The following PHACTR2 variants were observed in gnomAD, a reference collection of about 807,000 sequenced individuals.
PHACTR2 encodes chromosome 6 open reading frame 56.
PHACTR2 carries 30 observed loss-of-function variants against 76.0 expected under a neutral mutation model. The observed-to-expected ratio is 0.39, with a 90% CI of 0.30 to 0.54. PHACTR2 has a LOEUF of 0.54. PHACTR2 is among the 20% of genes least tolerant of loss of function. The pLI is 0.61. For synonymous variants in PHACTR2, 292 were observed against 292.5 expected (o/e 1.00, Z 0.02); for missense variants, 696 against 781.1 (o/e 0.89, Z 1.30).
rs1775184297 is a variant in PHACTR2 at position 143,556,978 on chromosome 6, C to G, written c.217+19771C>G. Among the ~76,000 whole-genome samples the G allele has an allele frequency of 6.6e-6, 1 of 152,128 alleles. No homozygotes were observed. The highest frequency in any genetic ancestry group is 6.5e-5 in the Admixed American group (1 of 15,280). The stretch of plus-strand genomic sequence containing the variant: ...ATTTCCTTTTGAAACAAAAATGAGG[C>G]CAGAAAGAAAGGGCCTCCCTCCCTA... On this transcript the variant is annotated intron_variant, in intron 1 of 11. Transcript: ENST00000367584. This position sits in a 1 kb window ranked among gnomAD's most constrained non-coding sequence, Gnocchi z 4.3.
chr6:143,797,037 G>A (rs567656488), intron 11 of PHACTR2, among the ~76,000 whole-genome samples: 5 of 152,336 alleles, frequency 3.3e-5, no homozygotes, highest in Non-Finnish European at 7.3e-5. Context: ...CAGCGTAAAA[G>A]CATTCCTATT....
chr6:143,752,561 G>C (rs183645323), intron 3 of PHACTR2, among the ~76,000 whole-genome samples: 25 of 152,132 alleles, frequency 1.6e-4, no homozygotes, highest in African/African-American at 5.5e-4. Context: ...ATAGGTTATT[G>C]GGAGTTATAT....
chr6:143,772,423 G>A lies in PHACTR2; in HGVS notation c.1398G>A (p.Glu466=). The A allele has an allele frequency of 6.2e-7, 1 of 1,614,076 alleles. No individual in the cohort carries two copies. The highest frequency in any genetic ancestry group is 8.5e-7 in the Non-Finnish European group (1 of 1,179,962). Residue 466 remains glutamate (E), a synonymous_variant, in exon 7 of 13, where the codon GAG becomes GAA. Transcript: ENST00000440869. This position sits in a 1 kb window ranked among gnomAD's most constrained non-coding sequence, Gnocchi z 5.4. ...SDGPILYTDD[E]DEDEDEDGSG... The stretch of plus-strand genomic sequence containing the variant: ...GGCCTATCTTGTACACCGATGATGA[G>A]GACGAAGACGAAGATGAGGATGGCA...
chr6:143,692,142 C>T (rs1777657652), intron 1 of PHACTR2, among the ~76,000 whole-genome samples: 1 of 152,196 alleles, frequency 6.6e-6, no homozygotes, highest in South Asian at 2.1e-4. Context: ...TGAGCATTCC[C>T]TCTGACCTTC....
intron 1 of PHACTR2, among the ~76,000 whole-genome samples, chr6:143,615,041 G>A (rs1453756195): frequency 1.3e-5 from 2 of 152,284 alleles, no homozygotes; most frequent in East Asian, 1.9e-4. Context: ...TTAAAAGGAA[G>A]GAACCTTACT....
intron 10 of PHACTR2, among the ~76,000 whole-genome samples, chr6:143,785,875 C>T (rs1435769314): frequency 6.6e-6 from 1 of 152,216 alleles, no homozygotes; most frequent in African/African-American, 2.4e-5. Flanking sequence ...CTGCACACAG[C>T]ACAGGGACCC....
intron 2 of PHACTR2, among the ~76,000 whole-genome samples, chr6:143,741,928 C>A (rs1582830918): frequency 6.6e-6 from 1 of 152,062 alleles, no homozygotes; most frequent in South Asian, 2.1e-4. Context: ...GTGGTGAAAC[C>A]CCATCTCTAC....
At chr6:143,769,579 TAA>T (rs1363641664) in intron 6 of PHACTR2, among the ~76,000 whole-genome samples, 2 of 152,152 alleles carry the variant, frequency 1.3e-5, no homozygotes, top group Admixed American at 6.6e-5. Flanking sequence ...CCATGAACTA[TAA>T]GTTATCTGCC....
intron 1 of PHACTR2, among the ~76,000 whole-genome samples, chr6:143,577,538 T>C (rs530996839): frequency 6.6e-6 from 1 of 152,108 alleles, no homozygotes; most frequent in African/African-American, 2.4e-5. Flanking sequence ...AGCAGAGGCA[T>C]TGAGATGAGA....
At chr6:143,748,360 C>T (rs1379210733) in intron 2 of PHACTR2, among the ~76,000 whole-genome samples, 1 of 152,260 alleles carries the variant, frequency 6.6e-6, no homozygotes, top group Non-Finnish European at 1.5e-5. Flanking sequence ...GCCACCGTTC[C>T]TGGCTGAAAG....
rs1776854113 is a variant in PHACTR2, at chr6:143,656,689, G to A, written c.13+48367G>A. 6.6e-6 allele frequency among the ~76,000 whole-genome samples: 1 copy of A among 152,108 alleles called. No homozygotes were observed. Among genetic ancestry groups the A allele is most frequent in the African/African-American group, 2.4e-5 (1 of 41,396 alleles). On this transcript the variant is annotated intron_variant, in intron 1 of 11. Coordinates refer to the PHACTR2 transcript ENST00000305766. The surrounding 1 kb of genome is among the most constrained non-coding windows in gnomAD (Gnocchi z 5.3). ...ATGAATAGATGTGATCATAGAAGAA[G>A]CAATATCAAGATTTTTCACCAGCCT... is the stretch of plus-strand genomic sequence containing the variant.
At chr6:143,566,410 C>T (rs147861049) in intron 1 of PHACTR2, among the ~76,000 whole-genome samples, 1,544 of 152,260 alleles carry the variant, frequency 0.01, 31 homozygotes, top group African/African-American at 0.033. Flanking sequence ...CCTCCCACCT[C>T]AGCCTCACAA....
At position 143,780,644 on chromosome 6, in the gene PHACTR2, G is replaced by C. The variant is rs1481552284; in HGVS notation, c.1646-2575G>C. Among the ~76,000 whole-genome samples, 1 of 152,066 alleles carries C rather than the reference G, an allele frequency of 6.6e-6. No individual in the cohort carries two copies. The highest frequency in any genetic ancestry group is 1.5e-5 in the Non-Finnish European group (1 of 68,014). ...TCCACAAAATTCTCTGGGTAACATT[G>C]CTCGCTAGGCGGGTTTCCTGTGGTG... On this transcript the variant is annotated intron_variant, in intron 9 of 12. Transcript: ENST00000440869. The surrounding 1 kb of genome is among the most constrained non-coding windows in gnomAD (Gnocchi z 4.4).
At chr6:143,584,888 A>G (rs934341542) in intron 1 of PHACTR2, among the ~76,000 whole-genome samples, 2 of 151,924 alleles carry the variant, frequency 1.3e-5, no homozygotes, top group African/African-American at 4.8e-5. Context: ...GGAGAAGAAC[A>G]TAAGGCTAGG....
intron 3 of PHACTR2, among the ~76,000 whole-genome samples, chr6:143,749,397 C>CA (rs1487491169): frequency 6.6e-6 from 1 of 152,166 alleles, no homozygotes; most frequent in Non-Finnish European, 1.5e-5. Flanking sequence ...TCTTTCTATT[C>CA]ACATGAAACT....
In PHACTR2 at chr6:143,678,005, G is replaced by A. The variant is rs889373310; in HGVS notation, c.-159G>A. 9 of 1,454,330 alleles carry A rather than the reference G, an allele frequency of 6.2e-6. No homozygotes were observed. In the African/African-American group the frequency reaches 1.2e-4, roughly 19 times the overall value. The allele number at this position is 1,454,330 out of a possible 1,614,324, so 90.1% of individuals were successfully genotyped here. On this transcript the variant is annotated 5_prime_UTR_variant, in exon 1 of 13. Coordinates refer to ENST00000440869, the MANE Select transcript of PHACTR2 (RefSeq NM_001100164.2). The surrounding 1 kb of genome is among the most constrained non-coding windows in gnomAD (Gnocchi z 6.2). ...TCCGCCGCGCCGGCTGCGGCCGGCCGGGCTGGGAGACCCGCGCGGGGTAGA... is the reference window on the plus strand; with the variant it reads ...TCCGCCGCGCCGGCTGCGGCCGGCCAGGCTGGGAGACCCGCGCGGGGTAGA...
chr6:143,809,716 A>G lies in PHACTR2; in HGVS notation c.1922+2583A>G, dbSNP rs200698956. Among the ~76,000 whole-genome samples, 31 of 88,568 alleles carry G rather than the reference A, an allele frequency of 3.5e-4. No homozygotes were observed. Among genetic ancestry groups the G allele is most frequent in the East Asian group, 2.0e-3 (4 of 2,002 alleles). 58.1% of individuals were successfully genotyped at this position (88,568 alleles called of 152,430 possible). On this transcript the variant is annotated intron_variant, in intron 12 of 12. Coordinates refer to ENST00000440869, the MANE Select transcript of PHACTR2 (RefSeq NM_001100164.2). This position sits in a 1 kb window ranked among gnomAD's most constrained non-coding sequence, Gnocchi z 4.2. ...CATTTATAAATGTGTGTATGTGTGT[A>G]TATATATATATATATTAAATATGTG...
At chr6:143,560,758 G>A (rs1775256710) in intron 1 of PHACTR2, among the ~76,000 whole-genome samples, 1 of 152,108 alleles carries the variant, frequency 6.6e-6, no homozygotes, top group Admixed American at 6.5e-5. Context: ...GCTGGGGAGG[G>A]AGCGGAACTT....
At chr6:143,606,731 G>A (rs1775878479), upstream of PHACTR2, among the ~76,000 whole-genome samples, 1 of 152,124 alleles carries the variant, frequency 6.6e-6, no homozygotes. Flanking sequence ...AGGGCAAGTA[G>A]ACGAGGTATA....
Sources: gnomAD v4.1 joint callset for allele counts (sites outside exome capture counted in the v4.1 genomes callset) on GRCh38, gnomAD v4.1.1 for gene constraint, Gnocchi (gnomAD v3.1) non-coding constraint, MANE v1.5 for transcripts, NCBI Gene and HGNC (gene_info 2026-07-23, HGNC 2026-07-21) for gene names.